MICAL2: variants seen among roughly 807,000 people sequenced by gnomAD.
The protein encoded by MICAL2 is microtubule associated monooxygenase, calponin and LIM domain containing 2.
In MICAL2, 77 loss-of-function variants were observed where a neutral mutation model predicts 127.3. That is an observed-to-expected ratio of 0.60 (90% CI 0.50 to 0.73). The LOEUF (loss-of-function observed/expected upper bound fraction) is 0.73, where lower values mean the gene tolerates loss of function less well. MICAL2 is among the 30% of genes least tolerant of loss of function. MICAL2 has a pLI of 0.00. For missense variants in MICAL2, 1,351 were observed against 1,434.4 expected (o/e 0.94, Z 0.94); for synonymous variants, 570 against 551.1 (o/e 1.03, Z -0.48).
chr11:12,345,726 T>G (rs539534289), intron 32 of MICAL2, among the ~76,000 whole-genome samples: 1 of 152,346 alleles, frequency 6.6e-6, no homozygotes, highest in African/African-American at 2.4e-5. Flanking sequence ...GTTCATTTAC[T>G]GGTAAATAAG....
downstream of MICAL2, chr11:12,294,517 A>G (rs1364031394): frequency 6.2e-7 from 1 of 1,614,118 alleles, no homozygotes; most frequent in African/African-American, 1.3e-5. Flanking sequence ...TTAGGTCCCC[A>G]CCCTGCAGCA....
chr11:12,164,972 T>TA (rs1487271164), intron 3 of MICAL2, among the ~76,000 whole-genome samples: 1 of 151,348 alleles, frequency 6.6e-6, no homozygotes, highest in African/African-American at 2.4e-5. Flanking sequence ...CCATCTCTAC[T>TA]AAAAAATACA....
upstream of MICAL2, among the ~76,000 whole-genome samples, chr11:12,271,412 C>G (rs1284908198): frequency 6.6e-6 from 1 of 152,222 alleles, no homozygotes; most frequent in Non-Finnish European, 1.5e-5. Flanking sequence ...ACACCTGGCT[C>G]TTCACCTGGG....
chr11:12,288,079 C>T (rs919622629), downstream of MICAL2, among the ~76,000 whole-genome samples: 2 of 152,242 alleles, frequency 1.3e-5, no homozygotes, highest in African/African-American at 4.8e-5. Context: ...CCCAGACGCA[C>T]CACCGTCACA....
In MICAL2 at chr11:12,304,637, AACACACACACACACACAC is replaced by A. The variant is rs57280679; in HGVS notation, c.5212+9820_5212+9837del. On this transcript the variant is annotated intron_variant, in intron 29 of 34. Coordinates refer to the MICAL2 transcript ENST00000646065. Reference sequence around the variant, plus strand: ...GCAACAAGAGCGAAACTCTGTCTCAAACACACACACACACACACACACACACACACACACACACACACA... The same window carrying A: ...GCAACAAGAGCGAAACTCTGTCTCAAACACACACACACACACACACACACA... 1.5e-4 allele frequency among the ~76,000 whole-genome samples: 19 copies of A among 128,918 alleles called. 1 individual carries two copies. The South Asian group carries it at 3.7e-3, about 25-fold the overall frequency. The allele number at this position is 128,918 out of a possible 152,430, so 84.6% of individuals were successfully genotyped here.
chr11:12,244,705 G>A (rs1860465763), intron 21 of MICAL2, among the ~76,000 whole-genome samples: 1 of 152,126 alleles, frequency 6.6e-6, no homozygotes, highest in Admixed American at 6.5e-5. Flanking sequence ...GAGAAGTTTA[G>A]GGCAAGGGTG....
chr11:12,335,548 T>C (rs1426902732), intron 32 of MICAL2, among the ~76,000 whole-genome samples: 2 of 152,158 alleles, frequency 1.3e-5, no homozygotes, highest in Non-Finnish European at 2.9e-5. Context: ...TCCTGAATAG[T>C]ATTGCCTAGG....
intron 3 of MICAL2, among the ~76,000 whole-genome samples, chr11:12,189,476 T>C (rs1225560490): frequency 1.3e-5 from 2 of 152,216 alleles, no homozygotes; most frequent in Admixed American, 6.5e-5. Flanking sequence ...TTCCCGTTGG[T>C]ACATGGGTAG....
chr11:12,348,153 C>CAAAAAAAA (rs57602704), intron 32 of MICAL2, among the ~76,000 whole-genome samples: 12 of 79,130 alleles, frequency 1.5e-4, no homozygotes, highest in Admixed American at 5.0e-4. Context: ...GACTCTGTCT[C>CAAAAAAAA]AAAAAAAAAA....
downstream of MICAL2, among the ~76,000 whole-genome samples, chr11:12,359,350 AAG>A (rs1483981209): frequency 9.4e-5 from 14 of 149,126 alleles, no homozygotes; most frequent in African/African-American, 3.2e-4. Context: ...AAAAAAAAAA[AAG>A]AGGGGAACTT....
chr11:12,112,077 G>C (rs1849653487), intron 1 of MICAL2, among the ~76,000 whole-genome samples: 1 of 152,186 alleles, frequency 6.6e-6, no homozygotes, highest in Non-Finnish European at 1.5e-5. Context: ...TTTTAGAGAT[G>C]GGGAAAGAGG....
At chr11:12,294,988 A>T, downstream of MICAL2, 1 of 1,308,520 alleles carries the variant, frequency 7.6e-7, no homozygotes, top group Non-Finnish European at 9.8e-7. Context: ...AAAACTTTAA[A>T]GGCAAAAAAT....
downstream of MICAL2, among the ~76,000 whole-genome samples, chr11:12,266,078 C>G (rs1863607950): frequency 1.3e-5 from 2 of 152,108 alleles, no homozygotes; most frequent in South Asian, 4.1e-4. Flanking sequence ...TGCCACTGCA[C>G]TCCAGCTTGG....
intron 31 of MICAL2, among the ~76,000 whole-genome samples, chr11:12,326,412 ATAGT>A (rs1159755800): frequency 3.9e-5 from 6 of 152,362 alleles, no homozygotes; most frequent in East Asian, 3.9e-4. Context: ...CAAGAGATTA[ATAGT>A]TAGTAAGGAA....
In MICAL2 at chr11:12,227,019, C is replaced by T; in HGVS notation, c.1889-6C>T. 1 of 1,611,208 alleles carries T rather than the reference C, an allele frequency of 6.2e-7. No homozygotes were observed. Among genetic ancestry groups the T allele is most frequent in the Non-Finnish European group, 8.5e-7 (1 of 1,177,470 alleles). On this transcript the variant is annotated splice_polypyrimidine_tract_variant and splice_region_variant and intron_variant, in intron 14 of 27. Transcript: ENST00000683283. Reference sequence around the variant, plus strand: ...CAAATCACAGTTGCGCTTTATTTCCCAACAGATTCTTGGCGCAAAAACTAT... The same window carrying T: ...CAAATCACAGTTGCGCTTTATTTCCTAACAGATTCTTGGCGCAAAAACTAT...
Position 12,309,332 on chromosome 11 carries a change from C to G in MICAL2, c.5213-10364C>G. 1.3e-5 allele frequency among the ~76,000 whole-genome samples: 2 copies of G among 151,872 alleles called. 1 individual carries two copies. The highest frequency in any genetic ancestry group is 6.3e-3 in the Middle Eastern group (2 of 316). The stretch of plus-strand genomic sequence containing the variant: ...CATTACCCAGCTTCCCTTTAGCCTT[C>G]CCTCCCCACTTCTGCTTCCGTGGTA... On this transcript the variant is annotated intron_variant, in intron 29 of 34. Coordinates refer to the MICAL2 transcript ENST00000646065.
chr11:12,141,554 G>GT (rs751528216), intron 2 of MICAL2, among the ~76,000 whole-genome samples: 5 of 152,200 alleles, frequency 3.3e-5, no homozygotes, highest in Non-Finnish European at 5.9e-5. Flanking sequence ...ACTTCCTGTT[G>GT]TTGCCCTACT....
At chr11:12,128,388 A>G (rs1245000577) in intron 1 of MICAL2, among the ~76,000 whole-genome samples, 1 of 152,250 alleles carries the variant, frequency 6.6e-6, no homozygotes, top group African/African-American at 2.4e-5. Context: ...AGTGTTAACC[A>G]CATCTTACAG....
chr11:12,195,687 AT>A (rs1313653858), intron 3 of MICAL2, among the ~76,000 whole-genome samples: 3 of 148,000 alleles, frequency 2.0e-5, no homozygotes, highest in Admixed American at 1.4e-4. Context: ...AGGCCCGTGT[AT>A]TTTCTGCAAT....
Sources: allele counts gnomAD v4.1 joint callset (sites outside exome capture counted in the v4.1 genomes callset), GRCh38; gene constraint gnomAD v4.1.1; transcripts MANE v1.5; gene names NCBI Gene and HGNC (gene_info 2026-07-23, HGNC 2026-07-21).